ZNF568: variants seen among roughly 807,000 people sequenced by gnomAD.
ZNF568 encodes the protein zinc finger protein 568, also known as p53 inhibitor of SCO2 activation.
Under a neutral mutation model 18.1 loss-of-function variants are expected in ZNF568, and 11 were observed. The observed-to-expected ratio is 0.61, with a 90% CI of 0.38 to 1.00. The LOEUF is 1.00. Ranked by LOEUF, ZNF568 falls within the 50% of genes least tolerant of loss-of-function variation. ZNF568 has a pLI of 0.01. For missense variants in ZNF568, 639 were observed against 768.2 expected, an observed-to-expected ratio of 0.83 and a Z score of 1.99; for synonymous variants, 213 against 246.6, an observed-to-expected ratio of 0.86 and a Z score of 1.28.
At chr19:36,948,658 A>ATTTTTTTTTTTTTTTTTTT (rs4069585) in intron 6 of ZNF568, among the ~76,000 whole-genome samples, 9 of 83,560 alleles carry the variant, frequency 1.1e-4, no homozygotes, top group African/African-American at 1.9e-4. Context: ...TTTGTTGTTG[A>ATTTTTTTTTTTTTTTTTTT]TTTTTTTTTT....
chr19:36,934,836 C>G (rs2073761548), intron 4 of ZNF568, among the ~76,000 whole-genome samples: 1 of 151,822 alleles, frequency 6.6e-6, no homozygotes, highest in African/African-American at 2.4e-5. Context: ...TTAATTTTTA[C>G]ATATTTTTGA....
downstream of ZNF568, chr19:36,997,332 C>T: frequency 6.2e-7 from 1 of 1,601,066 alleles, no homozygotes; most frequent in African/African-American, 1.3e-5. Flanking sequence ...TTCGTCGTGG[C>T]TCAGAACTTA....
chr19:36,986,636 C>G (rs1031366407), intron 2 of ZNF568, among the ~76,000 whole-genome samples: 2 of 152,112 alleles, frequency 1.3e-5, no homozygotes, highest in Admixed American at 1.3e-4. Context: ...TTTCCCCCCT[C>G]CGTGACTGAG....
Position 36,937,529 on chromosome 19 carries a change from C to T in ZNF568, c.358+287C>T, listed in dbSNP as rs191107185. ...CTTCACTTTCAGGATTATTGTTCCT[C>T]TCTCTATGATCCTCGGGCACTCTCT... On this transcript the variant is annotated intron_variant, in intron 6 of 6. Coordinates refer to ENST00000333987, the MANE Select transcript of ZNF568 (RefSeq NM_198539.4). Among the ~76,000 whole-genome samples the T allele has an allele frequency of 6.6e-5, 10 of 152,294 alleles. No homozygotes were observed. The East Asian group carries it at 1.9e-3, about 29-fold the overall frequency.
chr19:36,924,072 T>C (rs1186900696), intron 3 of ZNF568, among the ~76,000 whole-genome samples: 2 of 152,184 alleles, frequency 1.3e-5, no homozygotes, highest in African/African-American at 2.4e-5. Context: ...CAGGCTTTTA[T>C]TTTTAACCAA....
intron 4 of ZNF568, among the ~76,000 whole-genome samples, chr19:36,934,170 C>A (rs932519892): frequency 6.6e-6 from 1 of 151,178 alleles, no homozygotes; most frequent in Non-Finnish European, 1.5e-5. Context: ...TGATATTTGT[C>A]CATTTTGTCA....
chr19:36,983,692 G>A (rs1380498891), downstream of ZNF568, among the ~76,000 whole-genome samples: 1 of 151,988 alleles, frequency 6.6e-6, no homozygotes, highest in East Asian at 1.9e-4. Flanking sequence ...CTGCCACTGT[G>A]ATTAGGGTTC....
Position 36,937,279 on chromosome 19 carries a change from A to G in ZNF568, c.358+37A>G, listed in dbSNP as rs750795629. On this transcript the variant is annotated intron_variant, in intron 6 of 6. Transcript: ENST00000333987. Reference sequence around the variant, plus strand: ...AAAAGCAGCTCTGAATGAGAAAGCCACATGAGAGTTGTTCAGTGAAGGGTT... The same window carrying G: ...AAAAGCAGCTCTGAATGAGAAAGCCGCATGAGAGTTGTTCAGTGAAGGGTT... 1.9e-5 allele frequency: 29 copies of G among 1,562,184 alleles called. No homozygotes were observed. In the South Asian group the frequency reaches 2.7e-4, roughly 15 times the overall value.
chr19:36,924,500 A>AG (rs373013867), intron 3 of ZNF568, among the ~76,000 whole-genome samples: 145,861 of 145,876 alleles, frequency 1, 72,923 homozygotes, highest in Middle Eastern at 1. Context: ...TACAGGCGTG[A>AG]CGACCGCGCC....
intron 6 of ZNF568, 29 bp downstream of exon 6, chr19:36,937,271 A>G (rs1482192793): frequency 1.8e-5 from 29 of 1,583,130 alleles, no homozygotes; most frequent in Non-Finnish European, 2.4e-5. Flanking sequence ...GCTCTGAATG[A>G]GAAAGCCACA....
At chr19:36,956,383 C>T (rs1271975828), downstream of ZNF568, among the ~76,000 whole-genome samples, 4 of 152,064 alleles carry the variant, frequency 2.6e-5, no homozygotes, top group Non-Finnish European at 5.9e-5. Context: ...GCAATCCCAG[C>T]TCTAGAGCTC....
chr19:36,993,143 T>A (rs1488571107), intron 4 of ZNF568, among the ~76,000 whole-genome samples: 1 of 152,240 alleles, frequency 6.6e-6, no homozygotes, highest in African/African-American at 2.4e-5. Flanking sequence ...GTTGAGTATT[T>A]TTGTCATGAA....
intron 7 of ZNF568, among the ~76,000 whole-genome samples, chr19:36,975,080 G>A (rs141768452): frequency 5.6e-4 from 84 of 150,976 alleles, no homozygotes; most frequent in African/African-American, 2.0e-3. Context: ...ACCTGCCTCG[G>A]CCTCCCAAAG....
intron 6 of ZNF568, among the ~76,000 whole-genome samples, chr19:36,947,216 A>C (rs2073982195): frequency 1.3e-5 from 2 of 151,194 alleles, no homozygotes; most frequent in Non-Finnish European, 2.9e-5. Context: ...GGGTTTCATC[A>C]TGTTGGTCAG....
intron 4 of ZNF568, among the ~76,000 whole-genome samples, chr19:36,928,177 C>G (rs920341667): frequency 1.3e-5 from 2 of 151,344 alleles, no homozygotes. Flanking sequence ...CTCAGCCTCC[C>G]AAAGTACTAG....
chr19:36,927,318 G>GC (rs1168160527), intron 4 of ZNF568, among the ~76,000 whole-genome samples: 1 of 152,018 alleles, frequency 6.6e-6, no homozygotes, highest in African/African-American at 2.4e-5. Flanking sequence ...TCTGTTCAAA[G>GC]CATTGTTTTC....
intron 6 of ZNF568, among the ~76,000 whole-genome samples, chr19:36,940,297 A>G (rs971854305): frequency 6.6e-6 from 1 of 152,230 alleles, no homozygotes; most frequent in African/African-American, 2.4e-5. Flanking sequence ...TCTAGCAGTT[A>G]TTTAACTTTA....
intron 6 of ZNF568, chr19:36,973,127 G>T (rs2074250322): frequency 6.6e-6 from 1 of 152,338 alleles, no homozygotes; most frequent in African/African-American, 2.4e-5. Flanking sequence ...CCCGGGTGGC[G>T]CACCCACCTC....
intron 6 of ZNF568, among the ~76,000 whole-genome samples, chr19:36,943,685 G>A (rs926351832): frequency 2.0e-5 from 3 of 152,004 alleles, no homozygotes; most frequent in African/African-American, 4.8e-5. Context: ...AGCGAGTCTC[G>A]TGCCTCCACC....
Sources: allele counts gnomAD v4.1 joint callset (sites outside exome capture counted in the v4.1 genomes callset), GRCh38; gene constraint gnomAD v4.1.1; transcripts MANE v1.5; gene names NCBI Gene and HGNC (gene_info 2026-07-23, HGNC 2026-07-21).